The following FZD3 variants were observed in gnomAD, a reference collection of about 807,000 sequenced individuals.
The protein encoded by FZD3 is frizzled class receptor 3, also known as frizzled-3.
FZD3 carries 30 observed loss-of-function variants against 60.7 expected under a neutral mutation model. The ratio of observed to expected loss-of-function variants is 0.49; its 90% CI spans 0.37 to 0.67. FZD3 has a LOEUF of 0.67. FZD3 is among the 30% of genes least tolerant of loss of function. The pLI, the probability that FZD3 is intolerant of heterozygous loss-of-function variation, is 0.00. For missense variants in FZD3, 605 were observed against 838.7 expected (o/e 0.72, Z 3.44); for synonymous variants, 246 against 275.2 (o/e 0.89, Z 1.05).
chr8:28,520,079 G>A (rs1307865991), intron 3 of FZD3, among the ~76,000 whole-genome samples: 1 of 151,896 alleles, frequency 6.6e-6, no homozygotes, highest in Admixed American at 6.6e-5. Flanking sequence ...GCATGGTGGT[G>A]CATGCCTATA....
At chr8:28,549,178 C>G (rs1259429835) in intron 5 of FZD3, among the ~76,000 whole-genome samples, 1 of 152,056 alleles carries the variant, frequency 6.6e-6, no homozygotes, top group African/African-American at 2.4e-5. Context: ...GTCTTTATGT[C>G]CAAATTTCCT....
At chr8:28,541,899 C>G (rs534615858) in intron 5 of FZD3, among the ~76,000 whole-genome samples, 47 of 152,268 alleles carry the variant, frequency 3.1e-4, no homozygotes, top group African/African-American at 1.1e-3. Flanking sequence ...CTCAGTACCT[C>G]CACCTCTACC....
intron 3 of FZD3, among the ~76,000 whole-genome samples, chr8:28,510,106 T>TTTTTTG (rs145801800): frequency 0.58 from 87,357 of 150,850 alleles, 25,447 homozygotes; most frequent in South Asian, 0.64. Context: ...ATTTTCTGTT[T>TTTTTTG]TTTTTGTTTT....
At chr8:28,506,324 CCT>C (rs1035635150) in intron 3 of FZD3, among the ~76,000 whole-genome samples, 2 of 152,260 alleles carry the variant, frequency 1.3e-5, no homozygotes, top group African/African-American at 4.8e-5. Context: ...AGGTTTGAGA[CCT>C]CTTTGTGTTG....
At chr8:28,514,494 C>G (rs951769958) in intron 3 of FZD3, among the ~76,000 whole-genome samples, 3 of 152,206 alleles carry the variant, frequency 2.0e-5, no homozygotes, top group African/African-American at 7.2e-5. Flanking sequence ...AGATACAGAG[C>G]ATTTCCATCA....
chr8:28,527,836 G>A lies in FZD3; in HGVS notation c.1076G>A (p.Gly359Asp). ...MNKIEGDNIS[G>D]VCFVGLYDVD... Reference sequence around the variant, plus strand: ...AAAATTGAAGGTGACAATATTAGTGGCGTGTGTTTTGTTGGCCTCTACGAT... The same window carrying A: ...AAAATTGAAGGTGACAATATTAGTGACGTGTGTTTTGTTGGCCTCTACGAT... Residue 359 changes from glycine (G) to aspartate (D), a missense_variant, in exon 5 of 8, where the codon GGC becomes GAC. Coordinates refer to ENST00000240093, the MANE Select transcript of FZD3 (RefSeq NM_017412.4). The surrounding 1 kb of genome is among the most constrained non-coding windows in gnomAD (Gnocchi z 5.0). 6.2e-7 allele frequency: 1 copy of A among 1,614,082 alleles called. No homozygotes were observed. The highest frequency in any genetic ancestry group is 8.5e-7 in the Non-Finnish European group (1 of 1,179,974).
At chr8:28,541,714 T>G (rs1252841999) in intron 5 of FZD3, among the ~76,000 whole-genome samples, 1 of 152,236 alleles carries the variant, frequency 6.6e-6, no homozygotes, top group Non-Finnish European at 1.5e-5. Flanking sequence ...CATTTCAAAC[T>G]TAGTATGTCT....
At chr8:28,509,829 C>G (rs933348823) in intron 3 of FZD3, among the ~76,000 whole-genome samples, 1 of 152,122 alleles carries the variant, frequency 6.6e-6, no homozygotes, top group Non-Finnish European at 1.5e-5. Flanking sequence ...TTTGGCTTAT[C>G]CATTTATCCA....
chr8:28,501,184 G>A (rs1213719542), intron 2 of FZD3, among the ~76,000 whole-genome samples: 1 of 152,276 alleles, frequency 6.6e-6, no homozygotes, highest in East Asian at 1.9e-4. Flanking sequence ...TTTTGAGCAG[G>A]GTTTGCTTTT....
intron 3 of FZD3, among the ~76,000 whole-genome samples, chr8:28,511,112 G>T (rs1465497726): frequency 6.6e-6 from 1 of 152,014 alleles, no homozygotes; most frequent in Non-Finnish European, 1.5e-5. Context: ...AACACTTTGG[G>T]AGTCTGAGGT....
intron 5 of FZD3, among the ~76,000 whole-genome samples, chr8:28,540,711 A>C (rs1239367709): frequency 6.6e-6 from 1 of 152,170 alleles, no homozygotes; most frequent in Admixed American, 6.5e-5. Flanking sequence ...TTGGGAGGCC[A>C]AGACAGGTTG....
chr8:28,553,060 C>T (rs1285545533), intron 6 of FZD3, among the ~76,000 whole-genome samples: 1 of 152,142 alleles, frequency 6.6e-6, no homozygotes, highest in African/African-American at 2.4e-5. Context: ...AATTTTGGCA[C>T]CCACAGGGGG....
At chr8:28,547,738 C>G (rs1431968563) in intron 5 of FZD3, among the ~76,000 whole-genome samples, 2 of 151,864 alleles carry the variant, frequency 1.3e-5, no homozygotes, top group African/African-American at 2.4e-5. Flanking sequence ...GAAATTAGCC[C>G]TTTTATCTGC....
chr8:28,518,547 A>T (rs1471552172), intron 3 of FZD3, among the ~76,000 whole-genome samples: 1 of 152,132 alleles, frequency 6.6e-6, no homozygotes, highest in Non-Finnish European at 1.5e-5. Flanking sequence ...GACTGATAAG[A>T]CTGCCAAAAT....
rs1475125409 is a variant in FZD3 at position 28,567,335 on chromosome 8, G to A, written c.*4324G>A. ...CATCCAGCTAGTTTTTGTATTTTTA[G>A]TGGAGATGGAGTTTTGCCATGTTGG... On this transcript the variant is annotated 3_prime_UTR_variant, in exon 8 of 8. Transcript: ENST00000240093. The A allele has an allele frequency of 6.6e-6, 1 of 152,230 alleles. No individual in the cohort carries two copies. Among genetic ancestry groups the A allele is most frequent in the Non-Finnish European group, 1.5e-5 (1 of 68,160 alleles). 9.4% of individuals were successfully genotyped at this position (152,230 alleles called of 1,614,324 possible).
At chr8:28,556,763 G>T (rs981748634) in intron 7 of FZD3, among the ~76,000 whole-genome samples, 1 of 151,046 alleles carries the variant, frequency 6.6e-6, no homozygotes, top group Non-Finnish European at 1.5e-5. Context: ...GCAAAAATAG[G>T]ATTTGGCCAG....
At chr8:28,525,217 G>A (rs761983438) in intron 4 of FZD3, among the ~76,000 whole-genome samples, 7 of 152,176 alleles carry the variant, frequency 4.6e-5, no homozygotes, top group Non-Finnish European at 1.0e-4. Context: ...TCTAGATGTC[G>A]AAGATGAGCA....
At chr8:28,559,002 GT>G (rs1271538205) in intron 7 of FZD3, among the ~76,000 whole-genome samples, 1 of 152,182 alleles carries the variant, frequency 6.6e-6, no homozygotes, top group African/African-American at 2.4e-5. Flanking sequence ...GACAGTGAGT[GT>G]TAAAGATAAC....
intron 3 of FZD3, among the ~76,000 whole-genome samples, chr8:28,514,462 T>C (rs1297299722): frequency 1.3e-5 from 2 of 152,206 alleles, no homozygotes; most frequent in Middle Eastern, 3.2e-3. Flanking sequence ...TGACAGATCC[T>C]GTGAAACCAT....
Sources: gnomAD v4.1 joint callset for allele counts (sites outside exome capture counted in the v4.1 genomes callset) on GRCh38, gnomAD v4.1.1 for gene constraint, Gnocchi (gnomAD v3.1) non-coding constraint, MANE v1.5 for transcripts, NCBI Gene and HGNC (gene_info 2026-07-23, HGNC 2026-07-21) for gene names.